The following ADARB2 variants were observed in gnomAD, a reference collection of about 807,000 sequenced individuals.
The protein encoded by ADARB2 is adenosine deaminase RNA specific B2 (inactive).
Under a neutral mutation model 62.2 loss-of-function variants are expected in ADARB2, and 25 were observed. That is an observed-to-expected ratio of 0.40 (90% CI 0.29 to 0.56). ADARB2 has a LOEUF of 0.56. Among genes scored for constraint, ADARB2 ranks in the 20% least tolerant of loss-of-function variants. The pLI, the probability that ADARB2 is intolerant of heterozygous loss-of-function variation, is 0.43. For missense variants in ADARB2, 1,071 were observed against 1,077.4 expected (o/e 0.99, Z 0.08); for synonymous variants, 572 against 500.8 (o/e 1.14, Z -1.90).
chr10:1,717,679 G>A (rs973217227), intron 1 of ADARB2, among the ~76,000 whole-genome samples: 4 of 151,900 alleles, frequency 2.6e-5, no homozygotes, highest in Admixed American at 1.3e-4. Context: ...CCGGGTTCAG[G>A]AGATTCTCCC....
intron 1 of ADARB2, among the ~76,000 whole-genome samples, chr10:1,389,841 G>C (rs1832555251): frequency 6.6e-6 from 1 of 152,016 alleles, no homozygotes; most frequent in Non-Finnish European, 1.5e-5. Flanking sequence ...GTAACCATGT[G>C]GAAAATCAGA....
chr10:1,352,703 C>T (rs1361496598), intron 3 of ADARB2, among the ~76,000 whole-genome samples: 3 of 152,208 alleles, frequency 2.0e-5, no homozygotes, highest in African/African-American at 4.8e-5. Flanking sequence ...ATACCTGACG[C>T]ATATACTTTC....
chr10:1,528,531 C>T (rs560077522), intron 1 of ADARB2, among the ~76,000 whole-genome samples: 5 of 152,218 alleles, frequency 3.3e-5, no homozygotes, highest in Admixed American at 6.5e-5. Context: ...AGAGGTAAAC[C>T]GTGGTATAGA....
At chr10:1,650,672 C>T (rs540512875) in intron 1 of ADARB2, among the ~76,000 whole-genome samples, 68 of 152,324 alleles carry the variant, frequency 4.5e-4, no homozygotes, top group Admixed American at 2.8e-3. Context: ...CTCCACCGAC[C>T]GTCCACGAGG....
intron 1 of ADARB2, among the ~76,000 whole-genome samples, chr10:1,507,541 G>GA (rs2131942317): frequency 6.6e-6 from 1 of 152,324 alleles, no homozygotes; most frequent in African/African-American, 2.4e-5. Context: ...TGCCTAGAGG[G>GA]AAACGTGAGC....
chr10:1,272,323 C>G (rs1254767969), intron 3 of ADARB2, among the ~76,000 whole-genome samples: 1 of 152,236 alleles, frequency 6.6e-6, no homozygotes, highest in Non-Finnish European at 1.5e-5. Context: ...GCTGCGCAGG[C>G]ATTGCTGCTG....
At chr10:1,204,737 C>G (rs373396218) in intron 7 of ADARB2, among the ~76,000 whole-genome samples, 20 of 152,254 alleles carry the variant, frequency 1.3e-4, no homozygotes, top group African/African-American at 3.9e-4. Context: ...TGCCTCCTGC[C>G]GGGCTGCCCC....
chr10:1,316,401 G>T (rs1430727077), intron 3 of ADARB2, among the ~76,000 whole-genome samples: 1 of 152,232 alleles, frequency 6.6e-6, no homozygotes, highest in East Asian at 1.9e-4. Context: ...GCCTTGTGGG[G>T]TTGCTGCAGG....
intron 1 of ADARB2, among the ~76,000 whole-genome samples, chr10:1,695,311 C>T (rs2119131995): frequency 6.6e-6 from 1 of 152,288 alleles, no homozygotes; most frequent in South Asian, 2.1e-4. Flanking sequence ...ACCAGCGGTG[C>T]AGCTCAGAGC....
chr10:1,226,333 A>C (rs1589157483), intron 6 of ADARB2, among the ~76,000 whole-genome samples: 1 of 152,024 alleles, frequency 6.6e-6, no homozygotes. Context: ...AAAACTTTTA[A>C]CTTCTTTGCC....
chr10:1,361,187 ACCCCCCCATCCC>A (rs1832250440), intron 3 of ADARB2: 1 of 136,534 alleles, frequency 7.3e-6, no homozygotes, highest in East Asian at 2.6e-4. Context: ...CAGTCTCCCC[ACCCCCCCATCCC>A]CCCTCCCCCA....
rs374859453 is a variant in ADARB2 at position 1,651,183 on chromosome 10, C to T, written c.100+85868G>A. Among the ~76,000 whole-genome samples, 4 of 152,246 alleles carry T rather than the reference C, an allele frequency of 2.6e-5. No homozygotes were observed. In the East Asian group the frequency reaches 7.7e-4, roughly 29 times the overall value. On this transcript the variant is annotated intron_variant, in intron 1 of 9. Transcript: ENST00000381312. ...AGAGCAGGGACAGTTCTCGCCACAG[C>T]GTCCTCCAGATGGGCCCAATTAAAC...
At chr10:1,315,669 T>C (rs1831732923) in intron 3 of ADARB2, among the ~76,000 whole-genome samples, 1 of 152,202 alleles carries the variant, frequency 6.6e-6, no homozygotes, top group African/African-American at 2.4e-5. Flanking sequence ...GAGGGGCCCC[T>C]ATGCAGGTGA....
At chr10:1,217,159 G>A in intron 6 of ADARB2, 40 bp from the exon 7 acceptor site, 1 of 1,507,916 alleles carries the variant, frequency 6.6e-7, no homozygotes, top group African/African-American at 1.4e-5. Context: ...GAAGAGGGAA[G>A]CCGCCTTGGT....
chr10:1,607,815 CG>C (rs1833513720), intron 1 of ADARB2, among the ~76,000 whole-genome samples: 1 of 152,202 alleles, frequency 6.6e-6, no homozygotes, highest in African/African-American at 2.4e-5. Flanking sequence ...GGACATGACG[CG>C]GCTGACCTCT....
At chr10:1,553,397 C>T (rs924504993) in intron 1 of ADARB2, among the ~76,000 whole-genome samples, 5 of 152,158 alleles carry the variant, frequency 3.3e-5, no homozygotes, top group African/African-American at 4.8e-5. Flanking sequence ...CGGATTCTGA[C>T]GGCGTCAGCA....
intron 1 of ADARB2, among the ~76,000 whole-genome samples, chr10:1,553,456 G>GA (rs1356048106): frequency 1.3e-5 from 2 of 152,184 alleles, no homozygotes; most frequent in Admixed American, 1.3e-4. Context: ...CTGCTCCCAG[G>GA]AAGAGGCTTC....
chr10:1,543,171 C>T lies in ADARB2; in HGVS notation c.101-164011G>A, dbSNP rs1482641670. The stretch of plus-strand genomic sequence containing the variant: ...TCTGCGTTCCCACGGTGCAGGATGG[C>T]GGCGTTGAGAGCCAGAAACGAAACC... On this transcript the variant is annotated intron_variant, in intron 1 of 9. Transcript: ENST00000381312. Among the ~76,000 whole-genome samples the T allele has an allele frequency of 3.3e-5, 5 of 152,206 alleles. 1 individual carries two copies. The South Asian group carries it at 6.2e-4, about 19-fold the overall frequency.
At chr10:1,530,596 C>T (rs184178459) in intron 1 of ADARB2, among the ~76,000 whole-genome samples, 16 of 152,294 alleles carry the variant, frequency 1.1e-4, no homozygotes, top group African/African-American at 2.2e-4. Context: ...CAGCCTCGTC[C>T]GCCCCTGCGC....
Sources: allele counts gnomAD v4.1 joint callset (sites outside exome capture counted in the v4.1 genomes callset), GRCh38; gene constraint gnomAD v4.1.1; transcripts MANE v1.5; gene names NCBI Gene and HGNC (gene_info 2026-07-23, HGNC 2026-07-21).